Variants in DCHS2 observed in about 807,000 individuals in gnomAD.
The protein encoded by DCHS2 is dachsous cadherin-related 2.
DCHS2 carries 142 observed loss-of-function variants against 182.4 expected under a neutral mutation model. That is an observed-to-expected ratio of 0.78 (90% CI 0.68 to 0.89). The LOEUF (loss-of-function observed/expected upper bound fraction) is 0.89. DCHS2 is among the 40% of genes least tolerant of loss of function. The pLI is 0.00. For missense variants in DCHS2, 4,319 were observed against 4,198.6 expected (o/e 1.03, Z -0.79); for synonymous variants, 1,740 against 1,663.3 (o/e 1.05, Z -1.12).
chr4:154,332,477 C>T lies in DCHS2; in HGVS notation c.3730+1G>A, dbSNP rs759345507. On this transcript the variant is annotated splice_donor_variant, in intron 5 of 19. Coordinates refer to ENST00000357232, the MANE Select transcript of DCHS2 (RefSeq NM_001358235.2). LOFTEE classifies it high-confidence loss of function. Reference sequence around the variant, plus strand: ...AATAGGTGGAAACTATGAAGTGCTACCTGTATTAGGATTCATCTTGAAGAA... The same window carrying T: ...AATAGGTGGAAACTATGAAGTGCTATCTGTATTAGGATTCATCTTGAAGAA... The T allele has an allele frequency of 6.2e-6, 10 of 1,605,212 alleles. No homozygotes were observed. Among genetic ancestry groups the T allele is most frequent in the Non-Finnish European group, 6.0e-6 (7 of 1,174,418 alleles).
At chr4:154,326,071 C>T (rs1222128263) in intron 7 of DCHS2, among the ~76,000 whole-genome samples, 1 of 152,214 alleles carries the variant, frequency 6.6e-6, no homozygotes, top group Admixed American at 6.5e-5. Flanking sequence ...TATCCTGTTA[C>T]AGTCTCACTC....
At chr4:154,357,178 T>TGCTTCTGACTCTGGCTTTTTTGGAGAAG (rs776873751) in intron 3 of DCHS2, 1 of 1,363,292 alleles carries the variant, frequency 7.3e-7, no homozygotes, top group Admixed American at 1.7e-5. Flanking sequence ...TTTTGGTGAA[T>TGCTTCTGACTCTGGCTTTTTTGGAGAAG]GCTTCTGACT....
chr4:154,352,501 T>A (rs1232769137), intron 3 of DCHS2: 1 of 152,224 alleles, frequency 6.6e-6, no homozygotes, highest in Non-Finnish European at 1.5e-5. Flanking sequence ...AGGGTTCCTC[T>A]TGGGCCTCTT....
chr4:154,274,553 A>G (rs925254301), intron 13 of DCHS2, among the ~76,000 whole-genome samples: 4 of 152,174 alleles, frequency 2.6e-5, no homozygotes, highest in African/African-American at 9.7e-5. Flanking sequence ...ACTCTATATT[A>G]GTTTTGCTTT....
At chr4:154,336,081 GCT>G (rs1728796528) in intron 3 of DCHS2, among the ~76,000 whole-genome samples, 2 of 152,102 alleles carry the variant, frequency 1.3e-5, no homozygotes, top group Non-Finnish European at 2.9e-5. Context: ...GTGTAGGGTA[GCT>G]CTCTTTTTAA....
chr4:154,268,239 CA>C (rs145547706), intron 14 of DCHS2, among the ~76,000 whole-genome samples: 1 of 148,716 alleles, frequency 6.7e-6, no homozygotes. Context: ...TTCCCCCCCC[CA>C]AAAAAATAAC....
At chr4:154,391,282 T>C in intron 1 of DCHS2, 3 of 1,594,340 alleles carry the variant, frequency 1.9e-6, no homozygotes, top group Non-Finnish European at 2.6e-6. Context: ...GATTTCGTTA[T>C]CTCATCCAGT....
chr4:154,384,539 T>A, intron 1 of DCHS2: 2 of 1,541,078 alleles, frequency 1.3e-6, no homozygotes, highest in South Asian at 1.2e-5. Context: ...AACCTATGAC[T>A]ATTCTCTTAT....
chr4:154,449,350 A>C (rs1734438021), intron 1 of DCHS2, among the ~76,000 whole-genome samples: 1 of 152,140 alleles, frequency 6.6e-6, no homozygotes, highest in Admixed American at 6.6e-5. Context: ...AAAGAAGTAA[A>C]AAAAATGAGT....
At position 154,255,513 on chromosome 4, in the gene DCHS2, A is replaced by C. The variant is rs1294356353; in HGVS notation, c.6941+6T>G. The C allele has an allele frequency of 6.2e-7, 1 of 1,612,870 alleles. No individual in the cohort carries two copies. The highest frequency in any genetic ancestry group is 8.5e-7 in the Non-Finnish European group (1 of 1,179,480). ...TGGAGCCAATGGATCTGAACCCTGG[A>C]CCAACCTGTAGGAGCTGGTGAGCTC... On this transcript the variant is annotated splice_donor_region_variant and intron_variant, in intron 16 of 19. Coordinates refer to ENST00000357232, the MANE Select transcript of DCHS2 (RefSeq NM_001358235.2).
At chr4:154,264,000 AT>A (rs533915118) in intron 14 of DCHS2, among the ~76,000 whole-genome samples, 1,630 of 152,188 alleles carry the variant, frequency 0.011, 9 homozygotes, top group Non-Finnish European at 0.017. Context: ...GAGAAAAAAA[AT>A]CTTCCGTATT....
rs539549107 is a variant in DCHS2 at position 154,277,195 on chromosome 4, G to A, written c.6464-7182C>T. Among the ~76,000 whole-genome samples the A allele has an allele frequency of 2.0e-5, 3 of 152,106 alleles. No homozygotes were observed. The East Asian group carries it at 5.8e-4, about 29-fold the overall frequency. Reference sequence around the variant, plus strand: ...TCTTAAGAATAAACACACAACTTGGGGCTTCTCCACTGGGATGGAAAGAGA... The same window carrying A: ...TCTTAAGAATAAACACACAACTTGGAGCTTCTCCACTGGGATGGAAAGAGA... On this transcript the variant is annotated intron_variant, in intron 13 of 19. Coordinates refer to ENST00000357232, the MANE Select transcript of DCHS2 (RefSeq NM_001358235.2).
rs530700670 is a variant in DCHS2, at chr4:154,370,772, C to G, written c.2245-4331G>C. ...ACCTGTTATTTTTCTCCAAGTACTT[C>G]AGCTGCTGAGATGGCAGTGCAGAAA... On this transcript the variant is annotated intron_variant, in intron 2 of 19. Coordinates refer to ENST00000357232, the MANE Select transcript of DCHS2 (RefSeq NM_001358235.2). Among the ~76,000 whole-genome samples the G allele has an allele frequency of 4.6e-5, 7 of 152,266 alleles. No homozygotes were observed. In the South Asian group the frequency reaches 1.5e-3, roughly 32 times the overall value.
intron 1 of DCHS2, chr4:154,384,557 A>G: frequency 1.3e-6 from 2 of 1,522,600 alleles, no homozygotes; most frequent in East Asian, 2.5e-5. Context: ...TATTTGATAA[A>G]GTAGTGAGTA....
At chr4:154,375,812 G>A (rs557835731) in intron 2 of DCHS2, among the ~76,000 whole-genome samples, 157 of 152,188 alleles carry the variant, frequency 1.0e-3, no homozygotes, top group African/African-American at 2.6e-3. Context: ...AATGTTAAAA[G>A]AAGCATAGCC....
rs145570299 is a variant in DCHS2 at position 154,330,274 on chromosome 4, T to C, written c.3731-564A>G. 1.4e-3 allele frequency among the ~76,000 whole-genome samples: 218 copies of C among 152,382 alleles called. 2 individuals are homozygous for C. Among genetic ancestry groups the C allele is most frequent in the Admixed American group, 0.01 (157 of 15,312 alleles). Reference sequence around the variant, plus strand: ...AAATACCTTTCTGGAAATCAAATAATATCCCTTAGGCAATAGTTCTTGTTT... The same window carrying C: ...AAATACCTTTCTGGAAATCAAATAACATCCCTTAGGCAATAGTTCTTGTTT... On this transcript the variant is annotated intron_variant, in intron 5 of 19. Transcript: ENST00000357232.
intron 18 of DCHS2, among the ~76,000 whole-genome samples, chr4:154,239,933 G>A (rs1020646466): frequency 1.3e-5 from 2 of 152,056 alleles, no homozygotes; most frequent in African/African-American, 2.4e-5. Context: ...TCCATTACAT[G>A]CATGGCATTA....
chr4:154,322,690 G>T, intron 7 of DCHS2: 1 of 613,210 alleles, frequency 1.6e-6, no homozygotes, highest in Non-Finnish European at 2.5e-6. Flanking sequence ...ACAAAAAAGT[G>T]GACAAAATGG....
chr4:154,384,262 A>G lies in DCHS2; in HGVS notation c.2053-6818T>C, dbSNP rs539893007. On this transcript the variant is annotated intron_variant, in intron 1 of 19. Transcript: ENST00000357232. ...AGGCTTGATCTTTATTTTCTGAATT[A>G]TTTGGCAGCCGTTCACACAGCTAGT... 2.7e-6 allele frequency: 4 copies of G among 1,484,110 alleles called. No individual in the cohort carries two copies. The South Asian group carries it at 4.0e-5, about 15-fold the overall frequency. The allele number at this position is 1,484,110 out of a possible 1,614,324, so 91.9% of individuals were successfully genotyped here.
Sources: allele counts gnomAD v4.1 joint callset (sites outside exome capture counted in the v4.1 genomes callset), GRCh38; gene constraint gnomAD v4.1.1; transcripts MANE v1.5; gene names NCBI Gene and HGNC (gene_info 2026-07-23, HGNC 2026-07-21).